Variants in CNOT3 observed in about 807,000 individuals in gnomAD.
CNOT3 encodes CCR4-NOT transcription complex subunit 3.
A neutral mutation model predicts 89.4 loss-of-function variants in CNOT3; 2 were observed. The ratio of observed to expected loss-of-function variants is 0.02; its 90% CI spans 0.01 to 0.07. CNOT3 has a LOEUF of 0.07. Ranked by LOEUF, CNOT3 falls within the 10% of genes least tolerant of loss-of-function variation. The pLI is 1.00. For missense variants in CNOT3, 664 were observed against 1,010.2 expected (o/e 0.66, Z 4.65); for synonymous variants, 486 against 402.0 (o/e 1.21, Z -2.50).
Position 54,153,832 on chromosome 19 carries a change from T to C in CNOT3, c.2155T>C (p.Phe719Leu). Residue 719 changes from phenylalanine (F) to leucine (L), a missense_variant, in exon 17 of 18, where the codon TTT becomes CTT. By Grantham distance (22) the Phe-to-Leu change is conservative. Coordinates refer to ENST00000221232, the MANE Select transcript of CNOT3 (RefSeq NM_014516.4). ...GGAGCCCAAGACCATCACTGACGAGTTTGAGCAGGTGAGGGCCCCGCCCCC... is the reference window on the plus strand; with the variant it reads ...GGAGCCCAAGACCATCACTGACGAGCTTGAGCAGGTGAGGGCCCCGCCCCC... ...HEEPKTITDE[F>L]EQGTYIYFDY... The C allele has an allele frequency of 6.2e-7, 1 of 1,614,106 alleles. No homozygotes were observed. The highest frequency in any genetic ancestry group is 8.5e-7 in the Non-Finnish European group (1 of 1,179,988).
chr19:54,145,891 CCTT>C lies in CNOT3; in HGVS notation c.704-13_704-11del, dbSNP rs779847200. On this transcript the variant is annotated splice_polypyrimidine_tract_variant and intron_variant, in intron 8 of 17. Coordinates refer to ENST00000221232, the MANE Select transcript of CNOT3 (RefSeq NM_014516.4). This position sits in a 1 kb window ranked among gnomAD's most constrained non-coding sequence, Gnocchi z 5.9. ...GGCTGTGTGAGCCAGCTAAGCATGC[CCTT>C]CTTCTGCCCCCACAGCACAGGCGCT... The C allele has an allele frequency of 2.0e-5, 32 of 1,612,890 alleles. No individual in the cohort carries two copies. The highest frequency in any genetic ancestry group is 3.3e-5 in the South Asian group (3 of 90,992).
At chr19:54,143,271 C>T (rs1422727310) in intron 3 of CNOT3, 85 bp downstream of exon 3, 11 of 1,168,174 alleles carry the variant, frequency 9.4e-6, no homozygotes, top group Admixed American at 1.8e-5. Context: ...TGTTGACCAG[C>T]GGGAGGGGCT....
intron 14 of CNOT3, 32 bp from the exon 15 acceptor site, chr19:54,152,396 C>G: frequency 6.2e-7 from 1 of 1,613,780 alleles, no homozygotes. Flanking sequence ...ATCCTCACCA[C>G]TGAGGGGGCC....
At position 54,143,767 on chromosome 19, in the gene CNOT3, G is replaced by A. The variant is rs191793595; in HGVS notation, c.258+18G>A. 2,511 of 1,609,696 alleles carry A rather than the reference G, an allele frequency of 1.6e-3. 7 individuals carry two copies. The highest frequency in any genetic ancestry group is 1.7e-3 in the Non-Finnish European group (2,049 of 1,176,734). On this transcript the variant is annotated intron_variant, in intron 5 of 17. Transcript: ENST00000221232. ...TTGAGACGGTAGGAGCCCAGAGCCT[G>A]AGTCCCAGAGAGGTGGGAAGGTCAC...
chr19:54,153,642 C>A lies in CNOT3; in HGVS notation c.2038-73C>A. The A allele has an allele frequency of 4.3e-6, 5 of 1,151,982 alleles. No homozygotes were observed. In the South Asian group the frequency reaches 4.9e-5, roughly 11 times the overall value. 71.4% of individuals were successfully genotyped at this position (1,151,982 alleles called of 1,614,324 possible). On this transcript the variant is annotated intron_variant, in intron 16 of 17. Coordinates refer to ENST00000221232, the MANE Select transcript of CNOT3 (RefSeq NM_014516.4). ...GGGGGCCGGGGTTCAGCCCTGATGTCCTGCCCCATTCCCCTGGCTCCCCAC... is the reference window on the plus strand; with the variant it reads ...GGGGGCCGGGGTTCAGCCCTGATGTACTGCCCCATTCCCCTGGCTCCCCAC...
At chr19:54,141,720 C>A (rs1286921132) in intron 1 of CNOT3, 1 of 152,188 alleles carries the variant, frequency 6.6e-6, no homozygotes, top group Non-Finnish European at 1.5e-5. Flanking sequence ...CTGTTTCTGT[C>A]TTTACAGTAA....
intron 1 of CNOT3, among the ~76,000 whole-genome samples, chr19:54,139,702 C>T (rs587763131): frequency 6.6e-6 from 1 of 152,236 alleles, no homozygotes; most frequent in East Asian, 1.9e-4. Context: ...TGATTTGTCA[C>T]TGTATGGGGT....
At chr19:54,146,541 C>T (rs375898768) in intron 9 of CNOT3, 60 bp from the exon 10 acceptor site, 91 of 852,172 alleles carry the variant, frequency 1.1e-4, no homozygotes, top group African/African-American at 7.5e-4. Flanking sequence ...CAGAGATTGG[C>T]GGTTCTCCAT....
At chr19:54,152,757 C>A in intron 15 of CNOT3, 110 bp from the exon 16 acceptor site, 1 of 911,446 alleles carries the variant, frequency 1.1e-6, no homozygotes, top group Non-Finnish European at 1.8e-6. Context: ...TCAGCACCGC[C>A]CTGGGTCTTT....
chr19:54,146,617 A>G lies in CNOT3; in HGVS notation c.854A>G (p.Asp285Gly). The change falls in exon 10 of 18, where the codon GAT becomes GGT. Residue 285 changes from aspartate to glycine, a missense_variant. Coordinates refer to ENST00000221232, the MANE Select transcript of CNOT3 (RefSeq NM_014516.4). The part of the protein sequence containing the change: ...ANCTTENSED[D>G]KKRGRSTDSE... Reference sequence around the variant, plus strand: ...CTACCTCAGGAAAACTCTGAAGATGATAAGAAGAGGGGACGTTCCACAGAC... The same window carrying G: ...CTACCTCAGGAAAACTCTGAAGATGGTAAGAAGAGGGGACGTTCCACAGAC... 4 of 1,553,896 alleles carry G rather than the reference A, an allele frequency of 2.6e-6. No homozygotes were observed. The highest frequency in any genetic ancestry group is 3.6e-6 in the Non-Finnish European group (4 of 1,125,180).
intron 5 of CNOT3, 65 bp from the exon 6 acceptor site, chr19:54,143,941 T>C: frequency 6.4e-7 from 1 of 1,573,566 alleles, no homozygotes; most frequent in East Asian, 2.2e-5. Flanking sequence ...TCGGAGTGTC[T>C]GCTGGCCCTT....
At position 54,149,680 on chromosome 19, in the gene CNOT3, G is replaced by A. The variant is rs140186334; in HGVS notation, c.1527G>A (p.Thr509=). The part of the protein sequence containing the change: ...PLPVNPPSSP[T]PSFSDAKAAG... Reference sequence around the variant, plus strand: ...CTGTGAATCCTCCCAGCTCCCCAACGCCCAGCTTCAGTGATGCCAAGGCAG... The same window carrying A: ...CTGTGAATCCTCCCAGCTCCCCAACACCCAGCTTCAGTGATGCCAAGGCAG... Residue 509 remains threonine (T), a synonymous_variant, in exon 13 of 18, where the codon ACG becomes ACA. Transcript: ENST00000221232. 88 of 1,613,904 alleles carry A rather than the reference G, an allele frequency of 5.5e-5. No individual in the cohort carries two copies. The highest frequency in any genetic ancestry group is 9.3e-5 in the African/African-American group (7 of 74,908).
intron 1 of CNOT3, chr19:54,141,691 C>T (rs1378034113): frequency 2.0e-5 from 3 of 152,202 alleles, no homozygotes; most frequent in African/African-American, 4.8e-5. Flanking sequence ...TATTGAGGCT[C>T]TTGTTCCTCA....
rs755778475 is a variant in CNOT3 at position 54,145,864 on chromosome 19, TG to T, written c.704-43del. 10 of 1,610,884 alleles carry T rather than the reference TG, an allele frequency of 6.2e-6. No homozygotes were observed. Among genetic ancestry groups the T allele is most frequent in the Non-Finnish European group, 4.2e-6 (5 of 1,177,898 alleles). On this transcript the variant is annotated intron_variant, in intron 8 of 17. Coordinates refer to ENST00000221232, the MANE Select transcript of CNOT3 (RefSeq NM_014516.4). The surrounding 1 kb of genome is among the most constrained non-coding windows in gnomAD (Gnocchi z 5.9). ...TGGCACAGGAAGTGAGGGCCCAGAA[TG>T]GGCTGTGTGAGCCAGCTAAGCATGC...
chr19:54,152,740 C>T, intron 15 of CNOT3, 114 bp downstream of exon 15: 3 of 1,004,932 alleles, frequency 3.0e-6, no homozygotes, highest in Non-Finnish European at 4.7e-6. Flanking sequence ...GGGCTCTCCA[C>T]TGAAGGTCAG....
Position 54,144,844 on chromosome 19 carries a change from G to C in CNOT3, c.483+512G>C, listed in dbSNP as rs1192138630. ...GGATTGTGGGGTATGAGTTCAAAGG[G>C]ATACAAACTGTACAGACTTGCTGAA... is the stretch of plus-strand genomic sequence containing the variant. On this transcript the variant is annotated intron_variant, in intron 7 of 17. Coordinates refer to ENST00000221232, the MANE Select transcript of CNOT3 (RefSeq NM_014516.4). This position sits in a 1 kb window ranked among gnomAD's most constrained non-coding sequence, Gnocchi z 4.8. Among the ~76,000 whole-genome samples the C allele has an allele frequency of 6.6e-6, 1 of 152,126 alleles. No homozygotes were observed. Among genetic ancestry groups the C allele is most frequent in the Non-Finnish European group, 1.5e-5 (1 of 68,022 alleles).
chr19:54,139,615 G>T (rs768310608), intron 1 of CNOT3, among the ~76,000 whole-genome samples: 12 of 152,130 alleles, frequency 7.9e-5, no homozygotes, highest in Non-Finnish European at 1.3e-4. Context: ...CCACGCCTCT[G>T]CATGTGTCCC....
At chr19:54,143,349 G>C (rs1459984939) in intron 3 of CNOT3, 93 bp from the exon 4 acceptor site, 2 of 1,366,656 alleles carry the variant, frequency 1.5e-6, no homozygotes, top group Non-Finnish European at 2.1e-6. Flanking sequence ...GGTTGGGGGG[G>C]GTCCTCGAGT....
chr19:54,154,188 C>T (rs2075297861), intron 17 of CNOT3: 1 of 471,226 alleles, frequency 2.1e-6, no homozygotes, highest in Non-Finnish European at 4.2e-6. Context: ...AGGCTGTGGG[C>T]TCTGCTGCCG....
Sources: allele counts gnomAD v4.1 joint callset (sites outside exome capture counted in the v4.1 genomes callset), GRCh38; gene constraint gnomAD v4.1.1; non-coding constraint Gnocchi (gnomAD v3.1); transcripts MANE v1.5; gene names NCBI Gene and HGNC (gene_info 2026-07-23, HGNC 2026-07-21).